Variants in PFKL observed in about 807,000 individuals in gnomAD.
The protein encoded by PFKL is ATP-dependent 6-phosphofructokinase, liver type.
In PFKL, 74 loss-of-function variants were observed where a neutral mutation model predicts 92.1. That is an observed-to-expected ratio of 0.80 (90% CI 0.67 to 0.97). The LOEUF (loss-of-function observed/expected upper bound fraction) is 0.97, where lower values mean the gene tolerates loss of function less well. Among genes scored for constraint, PFKL ranks in the 50% least tolerant of loss-of-function variants. PFKL has a pLI of 0.00. For synonymous variants in PFKL, 494 were observed against 456.4 expected (o/e 1.08, Z -1.05); for missense variants, 1,028 against 1,116.6 (o/e 0.92, Z 1.13).
At position 44,325,136 on chromosome 21, in the gene PFKL, C is replaced by G. The variant is rs1172339954; in HGVS notation, c.1878-17C>G. ...TGAACTCGTTCCCGCCGACTCAGGC[C>G]CTGCTGCCCCTCTCAGGAACGAGAA... On this transcript the variant is annotated splice_polypyrimidine_tract_variant and intron_variant, in intron 18 of 21. Transcript: ENST00000349048. 1 of 1,553,410 alleles carries G rather than the reference C, an allele frequency of 6.4e-7. No individual in the cohort carries two copies. The highest frequency in any genetic ancestry group is 8.9e-7 in the Non-Finnish European group (1 of 1,125,786).
Position 44,321,808 on chromosome 21 carries a change from C to T in PFKL, c.1271C>T (p.Thr424Ile), listed in dbSNP as rs767344240. The T allele has an allele frequency of 1.9e-6, 3 of 1,602,570 alleles. No individual in the cohort carries two copies. The highest frequency in any genetic ancestry group is 2.2e-5 in the South Asian group (2 of 89,746). ...GCGGCCGTGCGCTCGGCGGTGCGGA[C>T]CGGCATCTCCCATGGACACACAGTA... ...MNAAVRSAVR[T>I]GISHGHTVYV... The change falls in exon 13 of 22, where the codon ACC (threonine) becomes ATC (isoleucine). Residue 424 changes from threonine (T) to isoleucine (I), a missense_variant. Physicochemically the swap from Thr to Ile is moderately conservative, Grantham distance 89. Coordinates refer to ENST00000349048, the MANE Select transcript of PFKL (RefSeq NM_002626.6).
Position 44,311,046 on chromosome 21 carries a change from A to AGG in PFKL, c.201_202dup (p.Ala68GlyfsTer5). The AGG allele has an allele frequency of 1.9e-6, 3 of 1,613,198 alleles. No individual in the cohort carries two copies. Among genetic ancestry groups the AGG allele is most frequent in the Non-Finnish European group, 2.5e-6 (3 of 1,179,618 alleles). ...GTGGAGGGAGGTGAGAACATCAAGC[A>AGG]GGCCAACTGGCTGAGCGTCTCCAAC... On this transcript the variant is annotated frameshift_variant, in exon 3 of 22. Transcript: ENST00000349048. LOFTEE classifies it high-confidence loss of function.
At chr21:44,320,354 A>G in intron 12 of PFKL, 1 of 504,614 alleles carries the variant, frequency 2.0e-6, no homozygotes, top group African/African-American at 2.0e-5. Flanking sequence ...CCCTGGCTGC[A>G]GGGCTGGCTG....
At chr21:44,323,495 G>A (rs1415818244) in intron 15 of PFKL, among the ~76,000 whole-genome samples, 1 of 152,162 alleles carries the variant, frequency 6.6e-6, no homozygotes, top group African/African-American at 2.4e-5. Context: ...CTTCCCCCTT[G>A]CCCTCCATGG....
intron 1 of PFKL, chr21:44,306,079 G>A (rs1057333442): frequency 1.5e-6 from 1 of 683,420 alleles, no homozygotes; most frequent in Middle Eastern, 6.1e-4. Flanking sequence ...AGTGCCCAGA[G>A]GTGCTCCCCG....
At chr21:44,318,304 G>T (rs528710834) in intron 9 of PFKL, among the ~76,000 whole-genome samples, 166 bp from the exon 10 acceptor site, 23 of 152,350 alleles carry the variant, frequency 1.5e-4, no homozygotes, top group Admixed American at 8.5e-4. Flanking sequence ...GTGTGCCGTC[G>T]TGAATGCTGG....
chr21:44,306,934 AAAG>A (rs1226887815), intron 2 of PFKL, among the ~76,000 whole-genome samples, 180 bp downstream of exon 2: 3 of 152,184 alleles, frequency 2.0e-5, no homozygotes, highest in South Asian at 2.1e-4. Context: ...GCATCTGCAG[AAAG>A]AAGACCTACT....
At chr21:44,304,797 G>T (rs1357969249) in intron 1 of PFKL, among the ~76,000 whole-genome samples, 3 of 147,116 alleles carry the variant, frequency 2.0e-5, no homozygotes, top group East Asian at 4.2e-4. Flanking sequence ...CTGTCTGGGG[G>T]GCTTGGCTTT....
Position 44,326,908 on chromosome 21 carries a change from G to A in PFKL, c.*46G>A, listed in dbSNP as rs750281584. 1.5e-5 allele frequency: 23 copies of A among 1,537,822 alleles called. No homozygotes were observed. Among genetic ancestry groups the A allele is most frequent in the African/African-American group, 4.1e-5 (3 of 73,222 alleles). On this transcript the variant is annotated 3_prime_UTR_variant, in exon 22 of 22. Transcript: ENST00000349048. Reference sequence around the variant, plus strand: ...CTCCCCAGCCCCCACCCATGCCAGCGCAGCGCCAGGGCTCAGATGGGGCCT... The same window carrying A: ...CTCCCCAGCCCCCACCCATGCCAGCACAGCGCCAGGGCTCAGATGGGGCCT...
At chr21:44,306,813 G>A (rs377651503) in intron 2 of PFKL, 59 bp downstream of exon 2, 20 of 1,432,908 alleles carry the variant, frequency 1.4e-5, no homozygotes, top group African/African-American at 2.8e-5. Context: ...GGCGCATGCC[G>A]AGGTGTGTTC....
rs1306535805 is a variant in PFKL at position 44,327,052 on chromosome 21, C to T, written c.*190C>T. 1 of 602,046 alleles carries T rather than the reference C, an allele frequency of 1.7e-6. No homozygotes were observed. Among genetic ancestry groups the T allele is most frequent in the Non-Finnish European group, 3.0e-6 (1 of 338,860 alleles). The allele number at this position is 602,046 out of a possible 1,614,324, so 37.3% of individuals were successfully genotyped here. A position where few individuals can be genotyped will look rare whatever the true frequency, so the allele number is the denominator to read the frequency against. On this transcript the variant is annotated 3_prime_UTR_variant, in exon 22 of 22. Transcript: ENST00000349048. ...CTCGGGCTGGTGTCTTGAGACCAGC[C>T]TGCCAGGCCCTCCAGCAGGAGGACA...
Position 44,325,326 on chromosome 21 carries a change from G to A in PFKL, c.1989+62G>A, listed in dbSNP as rs755999152. The A allele has an allele frequency of 4.8e-5, 57 of 1,175,268 alleles. 1 individual carries two copies. Among genetic ancestry groups the A allele is most frequent in the South Asian group, 2.2e-4 (18 of 80,584 alleles). The allele number at this position is 1,175,268 out of a possible 1,614,324, so 72.8% of individuals were successfully genotyped here. On this transcript the variant is annotated intron_variant, in intron 19 of 21. Coordinates refer to ENST00000349048, the MANE Select transcript of PFKL (RefSeq NM_002626.6). ...CTCTTTCCTGCCACCATCTGTCCCC[G>A]GCCCCAGGGGTCCCAGCCCTCACGG...
chr21:44,311,365 GACAC>G (rs920561753), intron 3 of PFKL, among the ~76,000 whole-genome samples: 2 of 151,162 alleles, frequency 1.3e-5, no homozygotes, highest in African/African-American at 4.9e-5. Context: ...CGTGCACACA[GACAC>G]ACAGACGCGC....
At chr21:44,307,053 C>G (rs555878428) in intron 2 of PFKL, among the ~76,000 whole-genome samples, 1 of 152,144 alleles carries the variant, frequency 6.6e-6, no homozygotes, top group African/African-American at 2.4e-5. Flanking sequence ...CTACAGTGAT[C>G]GCTGACGGGC....
chr21:44,323,013 T>C lies in PFKL; in HGVS notation c.1461T>C (p.Tyr487=). Reference sequence around the variant, plus strand: ...CCATTGTGGAGAACATCCGCATCTATGGTATTCACGCCCTGCTGGTGGTCG... The same window carrying C: ...CCATTGTGGAGAACATCCGCATCTACGGTATTCACGCCCTGCTGGTGGTCG... ...LESIVENIRI[Y]GIHALLVVGG... is the part of the protein sequence containing the mutation. Residue 487 remains tyrosine, a synonymous_variant, in exon 15 of 22, where the codon TAT becomes TAC. Coordinates refer to ENST00000349048, the MANE Select transcript of PFKL (RefSeq NM_002626.6). 1 of 1,613,254 alleles carries C rather than the reference T, an allele frequency of 6.2e-7. No homozygotes were observed. The highest frequency in any genetic ancestry group is 8.5e-7 in the Non-Finnish European group (1 of 1,179,718).
intron 7 of PFKL, chr21:44,315,435 C>G (rs2047176609): frequency 6.6e-6 from 1 of 152,468 alleles, no homozygotes; most frequent in Non-Finnish European, 1.5e-5. Context: ...GGTGTCTGAC[C>G]TCACCTGCAC....
In PFKL at chr21:44,320,125, A is replaced by G; in HGVS notation, c.1169A>G (p.His390Arg). Residue 390 changes from histidine (H) to arginine (R), a missense_variant, in exon 12 of 22, where the codon CAC (histidine) becomes CGC (arginine). By Grantham distance (29) the His-to-Arg change is conservative. Transcript: ENST00000349048. ...NNWNIYKLLA[H>R]QKPPKEKSNF... The stretch of plus-strand genomic sequence containing the variant: ...TGGAACATTTACAAGCTCCTCGCCC[A>G]CCAGAAGCCCCCCAAGGAGAAGGTG... 6.2e-7 allele frequency: 1 copy of G among 1,613,392 alleles called. No homozygotes were observed. The highest frequency in any genetic ancestry group is 8.5e-7 in the Non-Finnish European group (1 of 1,179,816).
Position 44,325,144 on chromosome 21 carries a change from C to T in PFKL, c.1878-9C>T, listed in dbSNP as rs2047467099. 1 of 1,579,450 alleles carries T rather than the reference C, an allele frequency of 6.3e-7. No individual in the cohort carries two copies. The highest frequency in any genetic ancestry group is 1.3e-5 in the African/African-American group (1 of 74,342). ...TTCCCGCCGACTCAGGCCCTGCTGCCCCTCTCAGGAACGAGAAGTGCCATG... is the reference window on the plus strand; with the variant it reads ...TTCCCGCCGACTCAGGCCCTGCTGCTCCTCTCAGGAACGAGAAGTGCCATG... On this transcript the variant is annotated splice_polypyrimidine_tract_variant and intron_variant, in intron 18 of 21. Transcript: ENST00000349048.
At chr21:44,322,811 C>T (rs1167416385) in intron 14 of PFKL, 151 bp from the exon 15 acceptor site, 11 of 538,410 alleles carry the variant, frequency 2.0e-5, no homozygotes, top group East Asian at 1.3e-4. Flanking sequence ...TGTCCCTCTC[C>T]GTGTGGAGCC....
Sources: gnomAD v4.1 joint callset for allele counts (sites outside exome capture counted in the v4.1 genomes callset) on GRCh38, gnomAD v4.1.1 for gene constraint, MANE v1.5 for transcripts, NCBI Gene and HGNC (gene_info 2026-07-23, HGNC 2026-07-21) for gene names.